Variants in MAPDA observed in about 807,000 individuals in gnomAD.
MAPDA encodes N6,N6-dimethyl-AMP deaminase.
chr15:43,349,796 A>C, the MAPDA span, among the ~76,000 whole-genome samples: 1 of 152,214 alleles, frequency 6.6e-6, no homozygotes, highest in African/African-American at 2.4e-5. Context: ...GCAATTCATA[A>C]TGGGCTAGAT....
At chr15:43,347,298 G>C in the MAPDA span, among the ~76,000 whole-genome samples, 5 of 152,150 alleles carry the variant, frequency 3.3e-5, no homozygotes, top group African/African-American at 9.7e-5. Context: ...TGGTTCCTGG[G>C]AGTGGCTGTT....
chr15:43,341,860 G>T, the MAPDA span, among the ~76,000 whole-genome samples: 1 of 151,940 alleles, frequency 6.6e-6, no homozygotes, highest in Non-Finnish European at 1.5e-5. Flanking sequence ...TTTTTTTTGA[G>T]ACGGAGTCTT....
At chr15:43,348,063 G>T in the MAPDA span, among the ~76,000 whole-genome samples, 1 of 152,180 alleles carries the variant, frequency 6.6e-6, no homozygotes, top group South Asian at 2.1e-4. Context: ...ATCAGAACTT[G>T]TTCTTTACCT....
chr15:43,342,782 A>G, the MAPDA span, among the ~76,000 whole-genome samples: 2 of 150,728 alleles, frequency 1.3e-5, no homozygotes, highest in African/African-American at 2.4e-5. Flanking sequence ...TTTTCATTTC[A>G]TTTCTCTAAC....
the MAPDA span, among the ~76,000 whole-genome samples, chr15:43,342,522 G>T: frequency 1.3e-4 from 20 of 151,740 alleles, no homozygotes; most frequent in Non-Finnish European, 2.7e-4. Flanking sequence ...GCCAAGGCGG[G>T]CGTGTCACTT....
chr15:43,352,461 A>G, the MAPDA span: 2 of 152,262 alleles, frequency 1.3e-5, no homozygotes, highest in Non-Finnish European at 1.5e-5. Context: ...TGGGAAGCCA[A>G]AGTGGGCAGA....
At chr15:43,341,297 C>T in the MAPDA span, among the ~76,000 whole-genome samples, 1 of 152,094 alleles carries the variant, frequency 6.6e-6, no homozygotes, top group Non-Finnish European at 1.5e-5. Context: ...CCACGTTGTA[C>T]TGGTGAGAGT....
At chr15:43,331,392 G>A in the MAPDA span, among the ~76,000 whole-genome samples, 1 of 152,196 alleles carries the variant, frequency 6.6e-6, no homozygotes, top group African/African-American at 2.4e-5. Context: ...GGGTGTCTGG[G>A]AGTCATCCAT....
the MAPDA span, chr15:43,330,402 G>C: frequency 6.3e-7 from 1 of 1,575,738 alleles, no homozygotes; most frequent in Non-Finnish European, 8.6e-7. Context: ...ACGTACCCGC[G>C]CGCGGCCAGG....
the MAPDA span, chr15:43,330,495 G>A: frequency 2.6e-6 from 4 of 1,516,680 alleles, no homozygotes; most frequent in South Asian, 2.7e-5. Flanking sequence ...CCCATGGCCA[G>A]AAGAGACTCA....
At chr15:43,351,899 T>C in the MAPDA span, 10 of 1,551,558 alleles carry the variant, frequency 6.4e-6, no homozygotes, top group Non-Finnish European at 8.7e-6. Flanking sequence ...AGATCTGAAC[T>C]GAGGAAGAAA....
chr15:43,339,995 A>G, the MAPDA span, among the ~76,000 whole-genome samples: 1 of 152,324 alleles, frequency 6.6e-6, no homozygotes, highest in East Asian at 1.9e-4. Context: ...TAAATGTTTA[A>G]AAGGGGGAAA....
At chr15:43,332,306 G>T in the MAPDA span, 7 of 152,034 alleles carry the variant, frequency 4.6e-5, no homozygotes, top group Non-Finnish European at 1.0e-4. Flanking sequence ...TATGCCTGCT[G>T]GGTCAGTGGA....
At chr15:43,336,505 C>G in the MAPDA span, 1 of 700,706 alleles carries the variant, frequency 1.4e-6, no homozygotes, top group Non-Finnish European at 2.2e-6. Context: ...TTTGAAACAT[C>G]TATTCTGTAG....
chr15:43,341,511 A>G, the MAPDA span, among the ~76,000 whole-genome samples: 2 of 152,366 alleles, frequency 1.3e-5, no homozygotes, highest in Admixed American at 1.3e-4. Flanking sequence ...TGAACTGGGT[A>G]CATATATACC....
chr15:43,340,173 T>C, the MAPDA span: 1 of 1,123,222 alleles, frequency 8.9e-7, no homozygotes, highest in Non-Finnish European at 1.3e-6. Flanking sequence ...AAATCAGATT[T>C]AATGAATAAA....
At chr15:43,338,583 T>TA in the MAPDA span, among the ~76,000 whole-genome samples, 3 of 152,214 alleles carry the variant, frequency 2.0e-5, no homozygotes, top group East Asian at 3.8e-4. Context: ...TATACAGTCT[T>TA]AGAGAGGTTT....
chr15:43,341,959 C>T, the MAPDA span, among the ~76,000 whole-genome samples: 1 of 152,060 alleles, frequency 6.6e-6, no homozygotes, highest in African/African-American at 2.4e-5. Context: ...CTGCCTCAGC[C>T]TCCCGAGTAG....
chr15:43,348,963 C>G, the MAPDA span: 1 of 1,614,106 alleles, frequency 6.2e-7, no homozygotes, highest in Non-Finnish European at 8.5e-7. Flanking sequence ...CTGACAGAAT[C>G]GGGCATGGAA....
Sources: gnomAD v4.1 joint callset for allele counts (sites outside exome capture counted in the v4.1 genomes callset) on GRCh38, gnomAD v4.1.1 for gene constraint, MANE v1.5 for transcripts, NCBI Gene and HGNC (gene_info 2026-07-23, HGNC 2026-07-21) for gene names.